The following CDH13 variants were observed in gnomAD, a reference collection of about 807,000 sequenced individuals.
The protein encoded by CDH13 is cadherin-13.
Under a neutral mutation model 63.8 loss-of-function variants are expected in CDH13, and 24 were observed. That is an observed-to-expected ratio of 0.38 (90% confidence interval 0.27 to 0.53). The LOEUF (loss-of-function observed/expected upper bound fraction) is 0.53, where lower values mean the gene tolerates loss of function less well. Ranked by LOEUF, CDH13 falls within the 20% of genes least tolerant of loss-of-function variation. The probability of loss-of-function intolerance (pLI) is 0.85; values close to 1 mark genes in which losing one functional copy is unlikely to be tolerated. For missense variants in CDH13, 1,049 were observed against 903.1 expected, an observed-to-expected ratio of 1.16 and a Z score of -2.07; for synonymous variants, 503 against 355.3, an observed-to-expected ratio of 1.42 and a Z score of -4.67.
intron 8 of CDH13, among the ~76,000 whole-genome samples, chr16:83,653,013 G>A (rs1040532370): frequency 7.2e-5 from 11 of 152,202 alleles, no homozygotes; most frequent in South Asian, 2.1e-4. Context: ...TGGATGAACC[G>A]TGAAAACACG....
At chr16:82,803,426 T>G (rs1312053035) in intron 1 of CDH13, among the ~76,000 whole-genome samples, 4 of 152,162 alleles carry the variant, frequency 2.6e-5, no homozygotes, top group Admixed American at 6.6e-5. Context: ...CAAATGACAA[T>G]GATTATTTAG....
chr16:83,275,745 C>G (rs1270979521), intron 5 of CDH13, among the ~76,000 whole-genome samples: 4 of 152,086 alleles, frequency 2.6e-5, no homozygotes, highest in African/African-American at 9.7e-5. Flanking sequence ...CCCATAGTGT[C>G]TGTCGCCCAC....
chr16:83,303,441 T>G (rs1239135942), intron 5 of CDH13, among the ~76,000 whole-genome samples: 1 of 152,174 alleles, frequency 6.6e-6, no homozygotes, highest in East Asian at 1.9e-4. Context: ...ATAAGCCCAG[T>G]GCTGAGACAA....
intron 7 of CDH13, among the ~76,000 whole-genome samples, chr16:83,574,230 G>T (rs903864920): frequency 1.3e-5 from 2 of 152,244 alleles, no homozygotes; most frequent in South Asian, 4.1e-4. Context: ...ATTATTTTTT[G>T]TCTCAGTGTA....
intron 4 of CDH13, among the ~76,000 whole-genome samples, chr16:83,161,567 CT>C (rs1193580703): frequency 3.9e-5 from 6 of 151,960 alleles, no homozygotes; most frequent in East Asian, 1.9e-4. Context: ...AGCATTATGT[CT>C]TTTTTTTATG....
intron 10 of CDH13, among the ~76,000 whole-genome samples, chr16:83,741,339 T>A (rs1912038710): frequency 6.6e-6 from 1 of 150,962 alleles, no homozygotes; most frequent in Non-Finnish European, 1.5e-5. Flanking sequence ...AGAATTCCCC[T>A]ACTGTTTCCC....
chr16:83,196,905 C>T (rs1028221034), intron 4 of CDH13, among the ~76,000 whole-genome samples: 1 of 152,144 alleles, frequency 6.6e-6, no homozygotes, highest in Non-Finnish European at 1.5e-5. Flanking sequence ...ACTAGACACG[C>T]ACTTACCATG....
At chr16:82,932,220 T>A (rs1035887459) in intron 2 of CDH13, among the ~76,000 whole-genome samples, 2 of 152,190 alleles carry the variant, frequency 1.3e-5, no homozygotes, top group African/African-American at 2.4e-5. Flanking sequence ...TTAGTATAAG[T>A]GTGTCCTGCC....
chr16:82,805,622 A>T (rs1416129378), intron 1 of CDH13, among the ~76,000 whole-genome samples: 1 of 152,172 alleles, frequency 6.6e-6, no homozygotes, highest in Non-Finnish European at 1.5e-5. Flanking sequence ...TCTGTGAGTC[A>T]GAGTCAAAGT....
chr16:83,543,216 G>T (rs2075325529), intron 7 of CDH13, among the ~76,000 whole-genome samples: 1 of 152,222 alleles, frequency 6.6e-6, no homozygotes, highest in South Asian at 2.1e-4. Context: ...TGTTGCCAGA[G>T]GCTTAATGTG....
At chr16:83,541,991 T>C (rs2075304201) in intron 7 of CDH13, among the ~76,000 whole-genome samples, 1 of 152,258 alleles carries the variant, frequency 6.6e-6, no homozygotes, top group Non-Finnish European at 1.5e-5. Flanking sequence ...CTAGCTATTA[T>C]TGCTATTAGT....
intron 5 of CDH13, among the ~76,000 whole-genome samples, chr16:83,252,430 C>G (rs1181119418): frequency 6.6e-6 from 1 of 151,908 alleles, no homozygotes; most frequent in Non-Finnish European, 1.5e-5. Context: ...TTTTATTAAC[C>G]AAAGATGGTG....
At chr16:82,663,740 T>A (rs1258721854) in intron 1 of CDH13, among the ~76,000 whole-genome samples, 2 of 152,204 alleles carry the variant, frequency 1.3e-5, no homozygotes, top group Non-Finnish European at 2.9e-5. Context: ...CCATTTGGTT[T>A]CTAGGTCCAG....
intron 2 of CDH13, among the ~76,000 whole-genome samples, chr16:83,026,713 C>T (rs1332307778): frequency 2.6e-5 from 4 of 152,160 alleles, no homozygotes; most frequent in Non-Finnish European, 5.9e-5. Flanking sequence ...TGGACTTGTA[C>T]AGTCCTTTGC....
At chr16:83,206,191 A>G (rs2039176432) in intron 4 of CDH13, among the ~76,000 whole-genome samples, 1 of 152,178 alleles carries the variant, frequency 6.6e-6, no homozygotes, top group Non-Finnish European at 1.5e-5. Context: ...CTGCTTCTTA[A>G]TATCACAACC....
At chr16:83,467,590 G>A (rs546652580) in intron 6 of CDH13, among the ~76,000 whole-genome samples, 9 of 152,288 alleles carry the variant, frequency 5.9e-5, no homozygotes, top group African/African-American at 1.7e-4. Context: ...CCACGGAGTT[G>A]GTTCTCAAGA....
At chr16:83,045,750 T>G (rs1177838430) in intron 3 of CDH13, among the ~76,000 whole-genome samples, 1 of 152,106 alleles carries the variant, frequency 6.6e-6, no homozygotes. Flanking sequence ...TCTATTTGAT[T>G]CTCTGTTCTC....
At chr16:83,213,840 G>C (rs1419821457) in intron 4 of CDH13, among the ~76,000 whole-genome samples, 1 of 152,062 alleles carries the variant, frequency 6.6e-6, no homozygotes, top group African/African-American at 2.4e-5. Context: ...GCACTCTGTA[G>C]CTAGGATTGT....
chr16:83,038,678 G>T (rs1325874678), intron 3 of CDH13, among the ~76,000 whole-genome samples: 1 of 152,178 alleles, frequency 6.6e-6, no homozygotes, highest in Non-Finnish European at 1.5e-5. Flanking sequence ...ACACATGCGT[G>T]TTCGCCTTGT....
Sources: allele counts gnomAD v4.1 joint callset (sites outside exome capture counted in the v4.1 genomes callset), GRCh38; gene constraint gnomAD v4.1.1; transcripts MANE v1.5; gene names NCBI Gene and HGNC (gene_info 2026-07-23, HGNC 2026-07-21).